The following MLLT3 variants were observed in gnomAD, a reference collection of about 807,000 sequenced individuals.
The protein encoded by MLLT3 is MLLT3 super elongation complex subunit.
MLLT3 carries 4 observed loss-of-function variants against 53.2 expected under a neutral mutation model. The observed-to-expected ratio is 0.08, with a 90% confidence interval of 0.04 to 0.17. MLLT3 has a LOEUF of 0.17. MLLT3 is among the 10% of genes least tolerant of loss of function. The pLI is 1.00. For missense variants in MLLT3, 569 were observed against 684.0 expected (o/e 0.83, Z 1.87); for synonymous variants, 283 against 230.6 (o/e 1.23, Z -2.06).
intron 2 of MLLT3, among the ~76,000 whole-genome samples, chr9:20,561,391 G>C (rs976037951): frequency 6.6e-6 from 1 of 151,984 alleles, no homozygotes; most frequent in African/African-American, 2.4e-5. Context: ...AAATAAATTC[G>C]TGTAATTAAA....
chr9:20,503,709 A>T (rs1180067161), intron 2 of MLLT3, among the ~76,000 whole-genome samples: 5 of 152,124 alleles, frequency 3.3e-5, no homozygotes, highest in African/African-American at 4.8e-5. Context: ...AACTGGGATT[A>T]CATCAAACTA....
chr9:20,615,627 T>G (rs907192679), intron 2 of MLLT3, among the ~76,000 whole-genome samples: 19 of 151,968 alleles, frequency 1.3e-4, no homozygotes, highest in African/African-American at 4.3e-4. Flanking sequence ...GGCTGAATAC[T>G]TTCTACCAGC....
intron 2 of MLLT3, among the ~76,000 whole-genome samples, chr9:20,524,502 G>A (rs999475026): frequency 1.3e-5 from 2 of 151,438 alleles, no homozygotes; most frequent in South Asian, 2.1e-4. Context: ...AAGGAATAAC[G>A]GTGACTAACG....
intron 2 of MLLT3, among the ~76,000 whole-genome samples, chr9:20,505,785 G>A (rs1825366003): frequency 1.3e-5 from 2 of 152,142 alleles, no homozygotes; most frequent in African/African-American, 4.8e-5. Context: ...CACCTCGGAA[G>A]GCTTATGTTA....
intron 2 of MLLT3, among the ~76,000 whole-genome samples, chr9:20,497,820 T>C (rs1825116610): frequency 6.6e-6 from 1 of 152,156 alleles, no homozygotes; most frequent in South Asian, 2.1e-4. Context: ...CTTGGGTAAA[T>C]ACCTACAAGC....
intron 2 of MLLT3, among the ~76,000 whole-genome samples, chr9:20,480,242 C>A (rs904021075): frequency 9.9e-5 from 15 of 152,206 alleles, no homozygotes; most frequent in African/African-American, 3.6e-4. Flanking sequence ...GAGAGCCAAA[C>A]TGTAAACTAC....
intron 2 of MLLT3, among the ~76,000 whole-genome samples, chr9:20,538,921 G>A (rs1034257393): frequency 5.9e-5 from 9 of 152,168 alleles, no homozygotes; most frequent in South Asian, 2.1e-4. Context: ...ACACATGTGC[G>A]ATAGCATTAT....
Position 20,414,307 on chromosome 9 carries a change from C to G in MLLT3, c.539G>C (p.Ser180Thr), listed in dbSNP as rs781125840. 2 of 1,609,856 alleles carry G rather than the reference C, an allele frequency of 1.2e-6. No individual in the cohort carries two copies. Among genetic ancestry groups the G allele is most frequent in the Non-Finnish European group, 1.7e-6 (2 of 1,178,462 alleles). The change falls in exon 5 of 11, where the codon AGC becomes ACC. Residue 180 changes from serine to threonine, a missense_variant. By Grantham distance (58) the Ser-to-Thr change is moderately conservative. This residue lies in a region of MLLT3 where 437 missense variants were observed against 376.5 expected (regional missense o/e 1.16). Coordinates refer to ENST00000380338, the MANE Select transcript of MLLT3 (RefSeq NM_004529.4). ...SSSSSSSSSS[S>T]SSSSSSSSSS... ...GCTGCTGCTGCTGCTGCTACTGCTG[C>G]TGCTACTGCTGCTGCTGCTGCTGCT...
At chr9:20,400,040 A>T (rs1439929025) in intron 5 of MLLT3, among the ~76,000 whole-genome samples, 1 of 144,174 alleles carries the variant, frequency 6.9e-6, no homozygotes, top group Non-Finnish European at 1.5e-5. Flanking sequence ...GGTTGCTAAC[A>T]TCATTAAAAA....
chr9:20,360,005 C>T (rs1821275622), intron 8 of MLLT3, among the ~76,000 whole-genome samples: 1 of 152,180 alleles, frequency 6.6e-6, no homozygotes, highest in African/African-American at 2.4e-5. Context: ...TTATCATAGC[C>T]TTCAAAGTTC....
chr9:20,592,177 T>C (rs1210116610), intron 2 of MLLT3, among the ~76,000 whole-genome samples: 1 of 152,216 alleles, frequency 6.6e-6, no homozygotes, highest in African/African-American at 2.4e-5. Flanking sequence ...ACTTTTAGCC[T>C]CACAATCCAT....
At chr9:20,574,939 G>A (rs1478456626) in intron 2 of MLLT3, among the ~76,000 whole-genome samples, 1 of 152,112 alleles carries the variant, frequency 6.6e-6, no homozygotes, top group East Asian at 1.9e-4. Flanking sequence ...ATCCTTTGTT[G>A]TCATTTCAAC....
At chr9:20,555,337 A>T (rs1484763478) in intron 2 of MLLT3, among the ~76,000 whole-genome samples, 1 of 152,054 alleles carries the variant, frequency 6.6e-6, no homozygotes, top group African/African-American at 2.4e-5. Flanking sequence ...TTTTTTTTTA[A>T]TAGAGACAGC....
intron 2 of MLLT3, among the ~76,000 whole-genome samples, chr9:20,514,314 T>A (rs1817843911): frequency 6.6e-6 from 1 of 152,032 alleles, no homozygotes; most frequent in African/African-American, 2.4e-5. Flanking sequence ...AGGGGCAAAG[T>A]CATCTCCAAT....
intron 2 of MLLT3, among the ~76,000 whole-genome samples, chr9:20,515,896 A>C (rs968112156): frequency 2.6e-5 from 4 of 152,218 alleles, no homozygotes; most frequent in Non-Finnish European, 5.9e-5. Context: ...TGTCTGAAGA[A>C]AATTGAGTCA....
chr9:20,533,843 G>A (rs977657465), intron 2 of MLLT3, among the ~76,000 whole-genome samples: 1 of 152,162 alleles, frequency 6.6e-6, no homozygotes, highest in African/African-American at 2.4e-5. Context: ...ACCTAAAAAC[G>A]CTGAAGTCAT....
chr9:20,414,549 T>G, intron 4 of MLLT3, 124 bp from the exon 5 acceptor site: 1 of 1,450,712 alleles, frequency 6.9e-7, no homozygotes, highest in Non-Finnish European at 9.2e-7. Flanking sequence ...ACCAAAAATA[T>G]TTTAATATAA....
At chr9:20,472,708 A>G (rs576127010) in intron 2 of MLLT3, among the ~76,000 whole-genome samples, 30 of 152,234 alleles carry the variant, frequency 2.0e-4, no homozygotes, top group African/African-American at 6.7e-4. Context: ...TTCATAAGCT[A>G]TAAGTGCTAA....
intron 5 of MLLT3, among the ~76,000 whole-genome samples, chr9:20,373,538 GT>G (rs1821674737): frequency 6.6e-6 from 1 of 152,164 alleles, no homozygotes. Context: ...GTCAAAAGTA[GT>G]TCTGTCTTTT....
Sources: allele counts gnomAD v4.1 joint callset (sites outside exome capture counted in the v4.1 genomes callset), GRCh38; gene constraint gnomAD v4.1.1; regional missense constraint gnomAD v4.1.1; transcripts MANE v1.5; gene names NCBI Gene and HGNC (gene_info 2026-07-23, HGNC 2026-07-21).